The following RNF13 variants were observed in gnomAD, a reference collection of about 807,000 sequenced individuals.
RNF13 encodes ring finger protein 13.
A neutral mutation model predicts 37.7 loss-of-function variants in RNF13; 19 were observed. That is an observed-to-expected ratio of 0.50 (90% CI 0.35 to 0.74). RNF13 has a LOEUF of 0.74. RNF13 is among the 30% of genes least tolerant of loss of function. RNF13 has a pLI of 0.01. For synonymous variants in RNF13, 144 were observed against 157.8 expected, an observed-to-expected ratio of 0.91 and a Z score of 0.65; for missense variants, 375 against 453.0, an observed-to-expected ratio of 0.83 and a Z score of 1.56.
chr3:149,918,095 A>C (rs935925222), intron 7 of RNF13, among the ~76,000 whole-genome samples: 30 of 152,352 alleles, frequency 2.0e-4, no homozygotes, highest in Non-Finnish European at 3.8e-4. Context: ...AAAAGGAAAC[A>C]GATGAGATTA....
At chr3:149,925,030 AT>A (rs764396418) in intron 8 of RNF13, among the ~76,000 whole-genome samples, 2 of 152,280 alleles carry the variant, frequency 1.3e-5, no homozygotes, top group African/African-American at 2.4e-5. Context: ...CTTTGCTTTA[AT>A]TTCTCTCAGG....
chr3:149,888,845 T>C (rs1714335378), intron 4 of RNF13, among the ~76,000 whole-genome samples: 1 of 152,236 alleles, frequency 6.6e-6, no homozygotes, highest in East Asian at 1.9e-4. Flanking sequence ...ACTTCGTTCA[T>C]ATATAGAAGT....
chr3:149,846,271 AC>A, intron 2 of RNF13, 131 bp downstream of exon 2: 1 of 582,560 alleles, frequency 1.7e-6, no homozygotes, highest in South Asian at 2.2e-5. Flanking sequence ...ACACATATAC[AC>A]AGTTACTTGA....
intron 8 of RNF13, among the ~76,000 whole-genome samples, chr3:149,953,750 A>C (rs1721583248): frequency 6.6e-6 from 1 of 152,184 alleles, no homozygotes. Flanking sequence ...ACCTTGTGCA[A>C]GTTTCTTAAC....
intron 7 of RNF13, among the ~76,000 whole-genome samples, chr3:149,915,376 C>T (rs1022416900): frequency 5.9e-5 from 9 of 152,150 alleles, no homozygotes; most frequent in African/African-American, 2.2e-4. Flanking sequence ...GCCACCTTGA[C>T]ATCAAAACTA....
intron 1 of RNF13, among the ~76,000 whole-genome samples, chr3:149,838,433 G>A (rs1721856301): frequency 6.6e-6 from 1 of 152,220 alleles, no homozygotes; most frequent in African/African-American, 2.4e-5. Context: ...ACTTTTGACT[G>A]GGGATCCAGG....
intron 8 of RNF13, among the ~76,000 whole-genome samples, chr3:149,929,323 C>G (rs1292294284): frequency 1.3e-5 from 2 of 152,090 alleles, no homozygotes; most frequent in African/African-American, 4.8e-5. Context: ...CATCAGATCT[C>G]GTGAGACTCA....
chr3:149,838,841 T>A (rs1189775814), intron 1 of RNF13, among the ~76,000 whole-genome samples: 1 of 147,816 alleles, frequency 6.8e-6, no homozygotes, highest in Non-Finnish European at 1.5e-5. Context: ...AAAATGGGTT[T>A]TTCTTTTCTA....
chr3:149,878,011 G>T (rs1316455407), intron 4 of RNF13, among the ~76,000 whole-genome samples: 1 of 151,978 alleles, frequency 6.6e-6, no homozygotes, highest in Non-Finnish European at 1.5e-5. Flanking sequence ...TCTTTTACCA[G>T]GAAGGTAATC....
At chr3:149,866,442 G>A (rs1176602525) in intron 3 of RNF13, among the ~76,000 whole-genome samples, 3 of 152,168 alleles carry the variant, frequency 2.0e-5, no homozygotes, top group Non-Finnish European at 4.4e-5. Flanking sequence ...AAGACCAGAG[G>A]TCACTCACGT....
At chr3:149,951,896 G>A (rs1721379594) in intron 8 of RNF13, among the ~76,000 whole-genome samples, 1 of 152,014 alleles carries the variant, frequency 6.6e-6, no homozygotes, top group Non-Finnish European at 1.5e-5. Context: ...GAAGTGGCAG[G>A]GCTGCAATTC....
intron 8 of RNF13, among the ~76,000 whole-genome samples, chr3:149,949,177 T>G (rs1041378827): frequency 2.6e-5 from 4 of 152,226 alleles, no homozygotes; most frequent in African/African-American, 9.6e-5. Flanking sequence ...TTTATCAGCT[T>G]TTCACTTACT....
At chr3:149,827,068 A>G (rs1720577029) in intron 1 of RNF13, among the ~76,000 whole-genome samples, 1 of 152,152 alleles carries the variant, frequency 6.6e-6, no homozygotes, top group Admixed American at 6.5e-5. Flanking sequence ...ATATTTATAT[A>G]TTTTTAAATA....
intron 7 of RNF13, among the ~76,000 whole-genome samples, chr3:149,918,329 T>C (rs1717761810): frequency 6.6e-6 from 1 of 152,166 alleles, no homozygotes; most frequent in Admixed American, 6.5e-5. Flanking sequence ...GTCTATAGTC[T>C]TCTAAATTTT....
chr3:149,878,664 A>G (rs1232137041), intron 4 of RNF13, among the ~76,000 whole-genome samples: 1 of 152,238 alleles, frequency 6.6e-6, no homozygotes, highest in East Asian at 1.9e-4. Context: ...CTTGAGAAAG[A>G]GATTCTACTT....
intron 8 of RNF13, among the ~76,000 whole-genome samples, chr3:149,926,504 C>CCAG: frequency 6.6e-6 from 1 of 152,158 alleles, no homozygotes; most frequent in East Asian, 1.9e-4. Flanking sequence ...GCCACCATGC[C>CCAG]CAGCCTCTTC....
chr3:149,843,728 G>T (rs1340140480), intron 1 of RNF13, among the ~76,000 whole-genome samples: 3 of 152,194 alleles, frequency 2.0e-5, no homozygotes, highest in African/African-American at 7.2e-5. Flanking sequence ...TTCAGTAGGG[G>T]TTTAGAATGT....
chr3:149,917,162 A>G (rs557888362), intron 7 of RNF13, among the ~76,000 whole-genome samples: 1 of 152,216 alleles, frequency 6.6e-6, no homozygotes, highest in African/African-American at 2.4e-5. Flanking sequence ...GGAAGGGCAA[A>G]TTGGGCACAC....
At chr3:149,815,853 A>G (rs535762743) in intron 1 of RNF13, among the ~76,000 whole-genome samples, 36 of 152,230 alleles carry the variant, frequency 2.4e-4, no homozygotes, top group Non-Finnish European at 3.1e-4. Context: ...GTGCTTTATA[A>G]TATCTCAGGT....
Sources: allele counts gnomAD v4.1 joint callset (sites outside exome capture counted in the v4.1 genomes callset), GRCh38; gene constraint gnomAD v4.1.1; transcripts MANE v1.5; gene names NCBI Gene and HGNC (gene_info 2026-07-23, HGNC 2026-07-21).